Variants in PTPRM observed in about 807,000 individuals in gnomAD.
PTPRM encodes protein tyrosine phosphatase receptor type M.
In PTPRM, 47 loss-of-function variants were observed where a neutral mutation model predicts 186.7. The ratio of observed to expected loss-of-function variants is 0.25; its 90% CI spans 0.20 to 0.32. The LOEUF (loss-of-function observed/expected upper bound fraction) is 0.32. Among genes scored for constraint, PTPRM ranks in the 10% least tolerant of loss-of-function variants. The pLI, the probability that PTPRM is intolerant of heterozygous loss-of-function variation, is 1.00. For synonymous variants in PTPRM, 668 were observed against 674.9 expected (o/e 0.99, Z 0.16); for missense variants, 1,494 against 1,865.0 (o/e 0.80, Z 3.66).
At chr18:8,130,856 G>C (rs1320009173) in intron 13 of PTPRM, among the ~76,000 whole-genome samples, 5 of 152,192 alleles carry the variant, frequency 3.3e-5, no homozygotes, top group Admixed American at 1.3e-4. Flanking sequence ...GAAATCTCTT[G>C]ATCTCTCAAC....
chr18:8,388,042 T>C (rs2095789194), intron 31 of PTPRM, among the ~76,000 whole-genome samples: 1 of 151,998 alleles, frequency 6.6e-6, no homozygotes. Flanking sequence ...TTTAAATGCC[T>C]AGGTGATTTC....
At chr18:8,186,571 T>C (rs1018572053) in intron 14 of PTPRM, among the ~76,000 whole-genome samples, 1 of 152,218 alleles carries the variant, frequency 6.6e-6, no homozygotes, top group Non-Finnish European at 1.5e-5. Flanking sequence ...AGAGCAACAG[T>C]TGCCCTGCAC....
chr18:8,008,240 G>T (rs1450027883), intron 7 of PTPRM, among the ~76,000 whole-genome samples: 2 of 152,114 alleles, frequency 1.3e-5, no homozygotes, highest in East Asian at 3.9e-4. Flanking sequence ...AATTGCAGAG[G>T]ATCAGCTGTG....
intron 1 of PTPRM, among the ~76,000 whole-genome samples, chr18:7,744,432 GAGA>G (rs1373336802): frequency 2.6e-5 from 4 of 152,092 alleles, no homozygotes; most frequent in Non-Finnish European, 5.9e-5. Context: ...AACTATATTT[GAGA>G]AGGTCTTATA....
chr18:8,342,713 A>G (rs1869528068), intron 22 of PTPRM, among the ~76,000 whole-genome samples: 1 of 152,230 alleles, frequency 6.6e-6, no homozygotes, highest in South Asian at 2.1e-4. Flanking sequence ...GGATTAAAAG[A>G]AATTTTAAAT....
At chr18:8,063,890 A>C (rs2088833787) in intron 7 of PTPRM, among the ~76,000 whole-genome samples, 2 of 152,204 alleles carry the variant, frequency 1.3e-5, no homozygotes, top group Non-Finnish European at 2.9e-5. Context: ...AGAACTAAGC[A>C]AAGCATTTGG....
At chr18:8,314,504 A>G (rs2095293827) in intron 20 of PTPRM, among the ~76,000 whole-genome samples, 1 of 152,212 alleles carries the variant, frequency 6.6e-6, no homozygotes, top group Non-Finnish European at 1.5e-5. Context: ...GGTTCACAGG[A>G]TTGTATGTAA....
intron 2 of PTPRM, among the ~76,000 whole-genome samples, chr18:7,824,478 A>G (rs986902967): frequency 3.3e-5 from 5 of 152,094 alleles, no homozygotes; most frequent in Non-Finnish European, 5.9e-5. Context: ...TTTATTTGTA[A>G]GAAGAGATCT....
In PTPRM at chr18:7,780,840, C is replaced by A. The variant is rs73393576; in HGVS notation, c.196+6569C>A. Among the ~76,000 whole-genome samples, 1,231 of 152,122 alleles carry A rather than the reference C, an allele frequency of 8.1e-3. 10 individuals are homozygous for A. Among genetic ancestry groups the A allele is most frequent in the African/African-American group, 0.028 (1,156 of 41,470 alleles). ...CTGAGGATGCATCTTTCAGTAAAGA[C>A]CTAAATCCTGTCAAGACCAAGAGGC... On this transcript the variant is annotated intron_variant, in intron 2 of 32. Transcript: ENST00000580170.
intron 20 of PTPRM, among the ~76,000 whole-genome samples, chr18:8,307,287 A>C (rs2147974498): frequency 6.6e-6 from 1 of 152,320 alleles, no homozygotes; most frequent in East Asian, 1.9e-4. Context: ...TCAGCCAGGA[A>C]GTGCAATCAT....
chr18:8,210,385 C>T lies in PTPRM; in HGVS notation c.2301-33673C>T, dbSNP rs148109543. Among the ~76,000 whole-genome samples, 661 of 152,132 alleles carry T rather than the reference C, an allele frequency of 4.3e-3. 5 individuals carry two copies. Among genetic ancestry groups the T allele is most frequent in the African/African-American group, 0.015 (637 of 41,482 alleles). ...GTGAAGAGACACGGGGAGAAGGCTG[C>T]GGGAGGACAGAGGCAGAGATTGGAG... On this transcript the variant is annotated intron_variant, in intron 14 of 32. Transcript: ENST00000580170.
At chr18:8,292,021 C>T (rs374693726) in intron 19 of PTPRM, among the ~76,000 whole-genome samples, 10 of 152,260 alleles carry the variant, frequency 6.6e-5, no homozygotes, top group African/African-American at 2.4e-4. Context: ...AAGGCACTGA[C>T]GGCAGTGTTC....
intron 7 of PTPRM, among the ~76,000 whole-genome samples, chr18:7,978,288 G>A (rs1365926139): frequency 6.6e-6 from 1 of 152,174 alleles, no homozygotes; most frequent in Non-Finnish European, 1.5e-5. Context: ...TAAGCTGACA[G>A]GGTTATTCAA....
chr18:7,893,916 A>T (rs2049207055), intron 3 of PTPRM, among the ~76,000 whole-genome samples: 1 of 152,206 alleles, frequency 6.6e-6, no homozygotes, highest in African/African-American at 2.4e-5. Flanking sequence ...TCACAGATAC[A>T]AAGTAAAAGG....
intron 13 of PTPRM, among the ~76,000 whole-genome samples, chr18:8,139,178 C>T (rs923454611): frequency 2.0e-5 from 3 of 152,176 alleles, no homozygotes; most frequent in Admixed American, 1.3e-4. Context: ...CCCACCCACC[C>T]CTCCAAACCT....
intron 14 of PTPRM, among the ~76,000 whole-genome samples, chr18:8,156,309 T>G (rs1039618032): frequency 6.6e-6 from 1 of 152,136 alleles, no homozygotes; most frequent in African/African-American, 2.4e-5. Flanking sequence ...TTTCATCTTA[T>G]AGGAGGAAAG....
intron 13 of PTPRM, among the ~76,000 whole-genome samples, chr18:8,140,038 A>C (rs911542289): frequency 6.6e-6 from 1 of 152,148 alleles, no homozygotes; most frequent in Non-Finnish European, 1.5e-5. Context: ...ATTCAAGGTC[A>C]ACCTCGTACT....
chr18:7,685,405 T>C lies in PTPRM; in HGVS notation c.74-88744T>C, dbSNP rs142129154. Among the ~76,000 whole-genome samples, 9 of 152,330 alleles carry C rather than the reference T, an allele frequency of 5.9e-5. No homozygotes were observed. In the East Asian group the frequency reaches 1.3e-3, roughly 23 times the overall value. On this transcript the variant is annotated intron_variant, in intron 1 of 32. Transcript: ENST00000580170. Reference sequence around the variant, plus strand: ...GGGTGTGAGAGATTCTTAAAGATGATAGTAAACGTATTAGAAAAGGAGCAA... The same window carrying C: ...GGGTGTGAGAGATTCTTAAAGATGACAGTAAACGTATTAGAAAAGGAGCAA...
At chr18:7,670,266 C>T (rs1397694849) in intron 1 of PTPRM, among the ~76,000 whole-genome samples, 7 of 152,020 alleles carry the variant, frequency 4.6e-5, no homozygotes, top group African/African-American at 1.2e-4. Flanking sequence ...TATTCAGTAG[C>T]CACATGTGGC....
Sources: gnomAD v4.1 joint callset for allele counts (sites outside exome capture counted in the v4.1 genomes callset) on GRCh38, gnomAD v4.1.1 for gene constraint, MANE v1.5 for transcripts, NCBI Gene and HGNC (gene_info 2026-07-23, HGNC 2026-07-21) for gene names.